Variants in NBPF8 observed in about 807,000 individuals in gnomAD.
The protein encoded by NBPF8 is NBPF member 8.
intron 1 of NBPF8, among the ~76,000 whole-genome samples, chr1:120,425,227 G>T (rs1660688745): frequency 6.6e-6 from 1 of 151,786 alleles, no homozygotes; most frequent in African/African-American, 2.4e-5. Context: ...CTTTGCAGTT[G>T]AGATAAGAGG....
At chr1:120,452,551 G>A (rs1661311143) in intron 13 of NBPF8, among the ~76,000 whole-genome samples, 1 of 152,084 alleles carries the variant, frequency 6.6e-6, no homozygotes, top group Non-Finnish European at 1.5e-5. Flanking sequence ...GATGGAAGGT[G>A]GTCTCTGGAG....
At chr1:120,459,789 G>A (rs1661526657) in intron 17 of NBPF8, among the ~76,000 whole-genome samples, 1 of 152,314 alleles carries the variant, frequency 6.6e-6, no homozygotes, top group African/African-American at 2.4e-5. Context: ...TGAACTCAAG[G>A]CAGGTGTGGC....
At position 120,465,350 on chromosome 1, in the gene NBPF8, A is replaced by T. The variant is rs1661713677; in HGVS notation, n.3547A>T. ...AGGGGAAGAAAAGAAGGGGAAGAAG[A>T]TCAAAACCCACCATGCCCCAGGTAA... On this transcript the variant is annotated non_coding_transcript_exon_variant, in exon 24 of 25. Coordinates refer to ENST00000583271, the Ensembl canonical transcript of NBPF8. 4 of 641,418 alleles carry T rather than the reference A, an allele frequency of 6.2e-6. No homozygotes were observed. The Admixed American group carries it at 8.5e-5, about 14-fold the overall frequency. 39.7% of individuals were successfully genotyped at this position (641,418 alleles called of 1,614,324 possible).
upstream of NBPF8, chr1:120,432,306 G>GA (rs1222300174): frequency 1.0e-5 from 1 of 100,276 alleles, no homozygotes; most frequent in African/African-American, 4.4e-5. Flanking sequence ...TAAGGCCCAG[G>GA]AAAAACCTAG....
chr1:120,432,982 G>C (rs1660925028), upstream of NBPF8: 1 of 152,094 alleles, frequency 6.6e-6, no homozygotes. Flanking sequence ...AAACATAATA[G>C]AGATTAACAG....
At chr1:120,445,789 C>G in intron 7 of NBPF8, 1 of 333,780 alleles carries the variant, frequency 3.0e-6, no homozygotes, top group South Asian at 2.3e-5. Context: ...GATCACTCAA[C>G]CCTTTCTACT....
chr1:120,460,480 T>G lies in NBPF8; in HGVS notation n.2785-93T>G, dbSNP rs1303032367. ...TCTCCTGTTCTCACATTGACAAGAC[T>G]GATGTCCCTGTGTTAGGATTGGACA... On this transcript the variant is annotated intron_variant and non_coding_transcript_variant, in intron 17 of 24. Transcript: ENST00000583271. The G allele has an allele frequency of 1.1e-5, 9 of 819,610 alleles. No individual in the cohort carries two copies. In the African/African-American group the frequency reaches 1.3e-4, roughly 12 times the overall value. 50.8% of individuals were successfully genotyped at this position (819,610 alleles called of 1,614,324 possible). A position where few individuals can be genotyped will look rare whatever the true frequency, so the allele number is the denominator to read the frequency against.
At chr1:120,453,503 G>C in intron 14 of NBPF8, 59 bp downstream of exon 12, 1 of 1,056,730 alleles carries the variant, frequency 9.5e-7, no homozygotes, top group Admixed American at 1.7e-5. Context: ...ATATCTAGGA[G>C]GCACACCCTC....
chr1:120,435,721 C>T (rs1227863708), upstream of NBPF8, among the ~76,000 whole-genome samples: 2 of 151,744 alleles, frequency 1.3e-5, no homozygotes, highest in Non-Finnish European at 2.9e-5. Flanking sequence ...GAAAAATTAG[C>T]CAGGCGTGGT....
At chr1:120,428,968 G>A (rs1254581489) in intron 3 of NBPF8, among the ~76,000 whole-genome samples, 30 of 149,148 alleles carry the variant, frequency 2.0e-4, no homozygotes, top group Admixed American at 4.7e-4. Flanking sequence ...GTCACCTAGC[G>A]TTATTAGCTA....
exon 25 of NBPF8, chr1:120,467,543 CATTT>C (rs1661771057): frequency 8.6e-6 from 1 of 116,094 alleles, no homozygotes; most frequent in African/African-American, 3.3e-5. Flanking sequence ...AACATTTTAT[CATTT>C]ATTAATCCTC....
chr1:120,451,996 T>C (rs1487938422), intron 12 of NBPF8, 121 bp from the exon 11 acceptor site: 8 of 1,094,164 alleles, frequency 7.3e-6, no homozygotes, highest in East Asian at 2.3e-5. Context: ...CCTTTCAACA[T>C]GTGCTGACCT....
In NBPF8 at chr1:120,462,646, C is replaced by T. The variant is rs1226527775; in HGVS notation, n.3062-148C>T. On this transcript the variant is annotated intron_variant and non_coding_transcript_variant, in intron 20 of 24. Transcript: ENST00000583271. ...TTTTCTACCTGGCCCTGGTCTATCC[C>T]AACATAAAGGCAATAATTCATTACC... 7.1e-4 allele frequency: 211 copies of T among 296,278 alleles called. 1 individual carries two copies. The highest frequency in any genetic ancestry group is 1.0e-3 in the Non-Finnish European group (169 of 162,418). The allele number at this position is 296,278 out of a possible 1,614,324, so 18.4% of individuals were successfully genotyped here.
chr1:120,455,187 T>C (rs1383015051), intron 15 of NBPF8, among the ~76,000 whole-genome samples: 6 of 151,892 alleles, frequency 4.0e-5, no homozygotes, highest in Admixed American at 3.9e-4. Flanking sequence ...GAATATGGCA[T>C]TATGGTCTAC....
chr1:120,466,080 A>G, exon 25 of NBPF8: 3 of 1,611,822 alleles, frequency 1.9e-6, no homozygotes, highest in Non-Finnish European at 2.5e-6. Context: ...TACGTGACTC[A>G]TTCCAGCACT....
intron 13 of NBPF8, among the ~76,000 whole-genome samples, chr1:120,452,830 C>T (rs1345324064): frequency 2.0e-5 from 3 of 152,108 alleles, no homozygotes; most frequent in African/African-American, 4.8e-5. Flanking sequence ...AGGCCCTCGC[C>T]GTGTGATGTT....
At chr1:120,430,598 C>CA (rs1660849611) in intron 3 of NBPF8, among the ~76,000 whole-genome samples, 1 of 141,592 alleles carries the variant, frequency 7.1e-6, no homozygotes, top group African/African-American at 2.8e-5. Flanking sequence ...ACTAAAAATA[C>CA]AAAAAATTAG....
At chr1:120,434,409 T>C (rs1391515749), upstream of NBPF8, among the ~76,000 whole-genome samples, 1 of 145,980 alleles carries the variant, frequency 6.9e-6, no homozygotes, top group Non-Finnish European at 1.5e-5. Context: ...TACACGTGTA[T>C]ATATATTATA....
At chr1:120,455,145 A>T (rs1189106704) in intron 15 of NBPF8, among the ~76,000 whole-genome samples, 2 of 151,326 alleles carry the variant, frequency 1.3e-5, no homozygotes, top group Non-Finnish European at 2.9e-5. Context: ...TTTTTTGGGG[A>T]AAAAATTTTG....
Sources: allele counts gnomAD v4.1 joint callset (sites outside exome capture counted in the v4.1 genomes callset), GRCh38; gene constraint gnomAD v4.1.1; transcripts MANE v1.5; gene names NCBI Gene and HGNC (gene_info 2026-07-23, HGNC 2026-07-21).